Variants in CTBP2 observed in about 807,000 individuals in gnomAD.
The protein encoded by CTBP2 is C-terminal binding protein 2.
Under a neutral mutation model 80.3 loss-of-function variants are expected in CTBP2, and 30 were observed. The ratio of observed to expected loss-of-function variants is 0.37; its 90% confidence interval spans 0.28 to 0.51. The LOEUF (loss-of-function observed/expected upper bound fraction) is 0.51. CTBP2 is among the 20% of genes least tolerant of loss of function. The pLI is 0.93. For synonymous variants in CTBP2, 594 were observed against 587.4 expected (o/e 1.01, Z -0.16); for missense variants, 1,212 against 1,375.3 (o/e 0.88, Z 1.88).
At chr10:125,065,951 A>T (rs2938008) in intron 2 of CTBP2, among the ~76,000 whole-genome samples, 14,243 of 151,876 alleles carry the variant, frequency 0.094, 816 homozygotes, top group African/African-American at 0.16. Context: ...AAATACAAAA[A>T]TTAGCCTGGC....
At chr10:125,103,493 G>A (rs1325834610) in intron 2 of CTBP2, among the ~76,000 whole-genome samples, 1 of 152,124 alleles carries the variant, frequency 6.6e-6, no homozygotes, top group Admixed American at 6.5e-5. Context: ...AAGGCTCAGG[G>A]AGTGAGAAGA....
intron 2 of CTBP2, among the ~76,000 whole-genome samples, chr10:125,067,622 C>A (rs1224754320): frequency 6.6e-6 from 1 of 152,150 alleles, no homozygotes; most frequent in Non-Finnish European, 1.5e-5. Context: ...AAAACCCAGG[C>A]AAAGGATATA....
chr10:125,103,877 C>A (rs1490697842), intron 2 of CTBP2, among the ~76,000 whole-genome samples: 3 of 152,184 alleles, frequency 2.0e-5, no homozygotes, highest in Non-Finnish European at 4.4e-5. Flanking sequence ...ACCCTCCCAC[C>A]CCTGCTGAAG....
chr10:124,984,886 C>T lies in CTBP2; in HGVS notation c.*4632G>A, dbSNP rs1310678488. On this transcript the variant is annotated 3_prime_UTR_variant, in exon 9 of 9. Transcript: ENST00000309035. ...AAGAGTTCTCGGCGGCGAAATCACC[C>T]CCTGGTCACTCAGATGGTAGAAAAA... The T allele has an allele frequency of 5.0e-6, 8 of 1,613,970 alleles. No individual in the cohort carries two copies. The highest frequency in any genetic ancestry group is 6.8e-6 in the Non-Finnish European group (8 of 1,180,008).
At chr10:124,998,484 A>C (rs1290396795) in intron 3 of CTBP2, 2 of 410,666 alleles carry the variant, frequency 4.9e-6, no homozygotes, top group Non-Finnish European at 9.0e-6. Flanking sequence ...CTGAGTCCCA[A>C]GAAAGGACCC....
chr10:125,069,555 G>A (rs1385788730), intron 2 of CTBP2, among the ~76,000 whole-genome samples: 1 of 152,342 alleles, frequency 6.6e-6, no homozygotes. Flanking sequence ...GGAGGCAGAG[G>A]TTGTAGTGAG....
intron 2 of CTBP2, 39 bp from the exon 3 acceptor site, chr10:125,039,194 C>A: frequency 1.4e-6 from 1 of 692,034 alleles, no homozygotes; most frequent in Non-Finnish European, 2.4e-6. Context: ...CTCTGGAGAC[C>A]CTCTGGGCAC....
At chr10:125,019,653 A>T (rs1309121911) in intron 1 of CTBP2, among the ~76,000 whole-genome samples, 1 of 152,208 alleles carries the variant, frequency 6.6e-6, no homozygotes, top group Non-Finnish European at 1.5e-5. Context: ...CCATATGCAG[A>T]ACTTTACTCA....
Position 125,026,637 on chromosome 10 carries a change from G to A in CTBP2, c.1123C>T (p.Arg375Ter), listed in dbSNP as rs572652265. The A allele has an allele frequency of 1.2e-5, 19 of 1,578,886 alleles. No homozygotes were observed. Among genetic ancestry groups the A allele is most frequent in the South Asian group, 8.0e-5 (7 of 87,658 alleles). Residue 375 changes from arginine (R) to a stop codon, truncating the protein, a stop_gained, in exon 1 of 9, where the codon CGA becomes TGA. Transcript: ENST00000309035. LOFTEE classifies it high-confidence loss of function. ...AAGTCACCATGGAGCAGTTCGCTTC[G>A]GTGGCTGAAGCTGCTGGACCGCGCC... is the stretch of plus-strand genomic sequence containing the variant.
rs1046016667 is a variant in CTBP2 at position 124,994,393 on chromosome 10, C to T, written c.2400+76G>A. The T allele has an allele frequency of 4.5e-5, 65 of 1,436,354 alleles. 1 individual carries two copies. The Middle Eastern group carries it at 5.2e-4, about 12-fold the overall frequency. 89.0% of individuals were successfully genotyped at this position (1,436,354 alleles called of 1,614,324 possible). A position where few individuals can be genotyped will look rare whatever the true frequency, so the allele number is the denominator to read the frequency against. On this transcript the variant is annotated intron_variant, in intron 5 of 8. Transcript: ENST00000309035. ...TCCAGAAACCACCTCCGTTGCCCTC[C>T]GTGTCCCTCTTGTGCCCACAAGCAA...
chr10:124,992,221 T>G (rs1212181184), intron 8 of CTBP2, among the ~76,000 whole-genome samples: 1 of 149,486 alleles, frequency 6.7e-6, no homozygotes, highest in African/African-American at 2.5e-5. Context: ...TTTTTTTTTT[T>G]TTTTTTTGGT....
Position 124,985,768 on chromosome 10 carries a change from G to T in CTBP2, c.*3750C>A, listed in dbSNP as rs1277494935. The T allele has an allele frequency of 6.6e-6, 1 of 152,214 alleles. No homozygotes were observed. The highest frequency in any genetic ancestry group is 1.5e-5 in the Non-Finnish European group (1 of 68,024). 9.4% of individuals were successfully genotyped at this position (152,214 alleles called of 1,614,324 possible). ...GATTCTGGGCAGTGGTCTGTGAGTAGTTTTTTTCCTGGATGAAAAGGGAGC... is the reference window on the plus strand; with the variant it reads ...GATTCTGGGCAGTGGTCTGTGAGTATTTTTTTTCCTGGATGAAAAGGGAGC... On this transcript the variant is annotated 3_prime_UTR_variant, in exon 9 of 9. Coordinates refer to ENST00000309035, the MANE Select transcript of CTBP2 (RefSeq NM_022802.3).
At chr10:125,061,189 G>A (rs766977028) in intron 2 of CTBP2, among the ~76,000 whole-genome samples, 2 of 152,234 alleles carry the variant, frequency 1.3e-5, no homozygotes, top group Non-Finnish European at 2.9e-5. Flanking sequence ...TGTTTTCAGG[G>A]CTAAGCAAAT....
intron 1 of CTBP2, among the ~76,000 whole-genome samples, chr10:125,018,945 T>C (rs1484773695): frequency 1.3e-5 from 2 of 152,232 alleles, no homozygotes; most frequent in Non-Finnish European, 2.9e-5. Context: ...AATTTCTCCA[T>C]GGCTCTCAGG....
In CTBP2 at chr10:125,003,030, C is replaced by T; in HGVS notation, c.1908G>A (p.Lys636=). The T allele has an allele frequency of 2.5e-6, 4 of 1,614,100 alleles. No homozygotes were observed. The highest frequency in any genetic ancestry group is 2.5e-6 in the Non-Finnish European group (3 of 1,180,026). ...CTATCCGCACGATCACTCTCAGGGC[C>T]TTGAACTTCTCCAGGTCCTCCCTGG... Residue 636 remains lysine (K), a synonymous_variant, in exon 3 of 9, where the codon AAG becomes AAA. Transcript: ENST00000309035.
At chr10:125,007,550 C>T (rs1486963126) in intron 1 of CTBP2, among the ~76,000 whole-genome samples, 1 of 151,956 alleles carries the variant, frequency 6.6e-6, no homozygotes, top group Admixed American at 6.5e-5. Context: ...CGGAAGGATC[C>T]GGAGCTGGAA....
intron 2 of CTBP2, among the ~76,000 whole-genome samples, chr10:125,044,283 C>A (rs1384842675): frequency 6.6e-6 from 1 of 152,208 alleles, no homozygotes; most frequent in Non-Finnish European, 1.5e-5. Context: ...CAGCAACAGT[C>A]CAGGCGGTGG....
At chr10:125,050,976 C>T (rs1271120745) in intron 2 of CTBP2, among the ~76,000 whole-genome samples, 1 of 152,214 alleles carries the variant, frequency 6.6e-6, no homozygotes, top group Admixed American at 6.5e-5. Flanking sequence ...CCCATGAATA[C>T]AGTCACCTAT....
Position 124,987,676 on chromosome 10 carries a change from G to A in CTBP2, c.*1842C>T, listed in dbSNP as rs145920441. ...TGTGTTAATAGACACTTTTATGGTAGAGTTGGGATGGGGCCACCACCTTAA... is the reference window on the plus strand; with the variant it reads ...TGTGTTAATAGACACTTTTATGGTAAAGTTGGGATGGGGCCACCACCTTAA... On this transcript the variant is annotated 3_prime_UTR_variant, in exon 9 of 9. Transcript: ENST00000309035. 2 of 152,296 alleles carry A rather than the reference G, an allele frequency of 1.3e-5. No homozygotes were observed. The highest frequency in any genetic ancestry group is 1.3e-4 in the Admixed American group (2 of 15,292). 9.4% of individuals were successfully genotyped at this position (152,296 alleles called of 1,614,324 possible).
Sources: allele counts gnomAD v4.1 joint callset (sites outside exome capture counted in the v4.1 genomes callset), GRCh38; gene constraint gnomAD v4.1.1; transcripts MANE v1.5; gene names NCBI Gene and HGNC (gene_info 2026-07-23, HGNC 2026-07-21).